NAA25: variants seen among roughly 807,000 people sequenced by gnomAD.
NAA25 encodes N-terminal acetyltransferase B complex subunit NAA25.
In NAA25, 30 loss-of-function variants were observed where a neutral mutation model predicts 132.5. That is an observed-to-expected ratio of 0.23 (90% CI 0.17 to 0.31). NAA25 has a LOEUF of 0.31. Ranked by LOEUF, NAA25 falls within the 10% of genes least tolerant of loss-of-function variation. The pLI is 1.00. For missense variants in NAA25, 771 were observed against 1,150.4 expected (o/e 0.67, Z 4.77); for synonymous variants, 359 against 401.9 (o/e 0.89, Z 1.28).
chr12:112,085,485 G>C (rs1036182580), intron 4 of NAA25, among the ~76,000 whole-genome samples: 1 of 152,060 alleles, frequency 6.6e-6, no homozygotes, highest in African/African-American at 2.4e-5. Context: ...TTTACAACCT[G>C]CTTGTCTCAA....
At chr12:112,072,814 G>A (rs1272042287) in intron 9 of NAA25, among the ~76,000 whole-genome samples, 1 of 151,874 alleles carries the variant, frequency 6.6e-6, no homozygotes, top group African/African-American at 2.4e-5. Context: ...GCACACACCT[G>A]TAGTCTCAGC....
At position 112,028,506 on chromosome 12, in the gene NAA25, T is replaced by A. The variant is rs1335324526; in HGVS notation, c.*1025A>T. The A allele has an allele frequency of 6.6e-6, 1 of 152,204 alleles. No individual in the cohort carries two copies. The highest frequency in any genetic ancestry group is 2.4e-5 in the African/African-American group (1 of 41,446). The allele number at this position is 152,204 out of a possible 1,614,324, so 9.4% of individuals were successfully genotyped here. A position where few individuals can be genotyped will look rare whatever the true frequency, so the allele number is the denominator to read the frequency against. ...AACCTCAAACCCACTGAATAACATT[T>A]CTTTTGCCAGCCTAAAACTTAAAGC... On this transcript the variant is annotated 3_prime_UTR_variant, in exon 24 of 24. Transcript: ENST00000261745.
chr12:112,095,922 T>C (rs982780033), intron 1 of NAA25, among the ~76,000 whole-genome samples: 6 of 152,152 alleles, frequency 3.9e-5, no homozygotes, highest in African/African-American at 1.4e-4. Context: ...CATACATTTG[T>C]CAAACCCAGA....
chr12:112,067,747 G>T (rs914373496), intron 11 of NAA25, among the ~76,000 whole-genome samples: 7 of 152,138 alleles, frequency 4.6e-5, no homozygotes, highest in African/African-American at 1.7e-4. Flanking sequence ...TTCTGAGATT[G>T]GCTTATTTCA....
intron 15 of NAA25, 90 bp from the exon 16 acceptor site, chr12:112,048,533 T>A: frequency 9.3e-7 from 1 of 1,074,044 alleles, no homozygotes; most frequent in Non-Finnish European, 1.4e-6. Context: ...ACACTCAAAC[T>A]AAAATTAAGT....
At chr12:112,087,903 A>G (rs2079077466) in intron 3 of NAA25, 102 bp from the exon 4 acceptor site, 2 of 734,830 alleles carry the variant, frequency 2.7e-6, no homozygotes, top group Non-Finnish European at 4.6e-6. Context: ...CTATCATTAT[A>G]GAAGAAGTAT....
At chr12:112,087,862 G>A (rs1256297761) in intron 3 of NAA25, 61 bp from the exon 4 acceptor site, 1 of 1,125,230 alleles carries the variant, frequency 8.9e-7, no homozygotes, top group Non-Finnish European at 1.3e-6. Flanking sequence ...GGCATTTAAT[G>A]TTCTTCCTAT....
intron 1 of NAA25, among the ~76,000 whole-genome samples, chr12:112,104,696 C>T (rs1453906177): frequency 1.3e-5 from 2 of 151,930 alleles, no homozygotes; most frequent in African/African-American, 4.8e-5. Flanking sequence ...ATTAACCTGG[C>T]GTGGTGGCGG....
Position 112,047,759 on chromosome 12 carries a change from T to C in NAA25, c.1912A>G (p.Met638Val), listed in dbSNP as rs145877943. ...STSLAESIKSMNLRPEEDDIP... is the reference protein window; with the variant it reads ...STSLAESIKSVNLRPEEDDIP... Reference sequence around the variant, plus strand: ...TCATCTTCTTCTGGCCTAAGGTTCATTGACTTTATACTTTCTGCTAAACTG... The same window carrying C: ...TCATCTTCTTCTGGCCTAAGGTTCACTGACTTTATACTTTCTGCTAAACTG... Residue 638 changes from methionine (M) to valine (V), a missense_variant, in exon 17 of 24, where the codon ATG becomes GTG. Around this residue, in one of 3 missense-constraint regions of NAA25, gnomAD observed 324 missense variants for 400.0 expected, o/e 0.81. Transcript: ENST00000261745. The C allele has an allele frequency of 6.6e-5, 107 of 1,613,678 alleles. No homozygotes were observed. In the African/African-American group the frequency reaches 1.1e-3, roughly 16 times the overall value.
At chr12:112,039,420 A>G (rs2078271607) in intron 21 of NAA25, 81 bp from the exon 22 acceptor site, 2 of 805,998 alleles carry the variant, frequency 2.5e-6, no homozygotes, top group Non-Finnish European at 4.2e-6. Flanking sequence ...TGGATTCAAC[A>G]AATTCTAACG....
chr12:112,032,218 C>T (rs934559266), intron 23 of NAA25, among the ~76,000 whole-genome samples: 6 of 151,940 alleles, frequency 3.9e-5, no homozygotes, highest in Admixed American at 6.6e-5. Context: ...TGCCTCCCTC[C>T]GCCTCCCAAA....
intron 14 of NAA25, 111 bp from the exon 15 acceptor site, chr12:112,053,768 G>C: frequency 1.9e-5 from 5 of 257,408 alleles, no homozygotes; most frequent in Non-Finnish European, 1.4e-5. Flanking sequence ...CTAGGCATAA[G>C]AAAACACTAA....
intron 1 of NAA25, among the ~76,000 whole-genome samples, chr12:112,098,510 C>T (rs1339415658): frequency 2.6e-5 from 4 of 152,034 alleles, no homozygotes; most frequent in Non-Finnish European, 5.9e-5. Flanking sequence ...AAACGATATC[C>T]TAAATCTGTC....
At chr12:112,069,928 G>C (rs553357825) in intron 10 of NAA25, among the ~76,000 whole-genome samples, 1 of 151,902 alleles carries the variant, frequency 6.6e-6, no homozygotes, top group East Asian at 1.9e-4. Flanking sequence ...AGGAGTTTGA[G>C]ACCAGCCTGG....
At chr12:112,093,744 T>A (rs1468237258) in intron 1 of NAA25, among the ~76,000 whole-genome samples, 2 of 151,562 alleles carry the variant, frequency 1.3e-5, no homozygotes, top group Non-Finnish European at 2.9e-5. Context: ...GCCAGGCATG[T>A]TGCCATGCAC....
intron 15 of NAA25, among the ~76,000 whole-genome samples, chr12:112,052,584 C>T (rs148694032): frequency 6.6e-6 from 1 of 151,592 alleles, no homozygotes; most frequent in African/African-American, 2.4e-5. Context: ...AAACTGAGAA[C>T]AAACCTATAT....
At chr12:112,033,180 C>G (rs1021767566) in intron 23 of NAA25, 53 bp downstream of exon 23, 3 of 1,498,834 alleles carry the variant, frequency 2.0e-6, no homozygotes, top group African/African-American at 1.4e-5. Flanking sequence ...GAGAGAGAGA[C>G]AGAGTGTTTG....
intron 4 of NAA25, among the ~76,000 whole-genome samples, chr12:112,082,163 G>A (rs910295954): frequency 2.6e-5 from 4 of 152,112 alleles, no homozygotes; most frequent in Non-Finnish European, 4.4e-5. Context: ...AGACAGAATC[G>A]CTTGAACCCG....
At chr12:112,047,452 G>A (rs1339828925) in intron 17 of NAA25, among the ~76,000 whole-genome samples, 2 of 151,858 alleles carry the variant, frequency 1.3e-5, no homozygotes, top group African/African-American at 4.8e-5. Flanking sequence ...GGATGGTCTC[G>A]AACTCCAGAC....
Sources: gnomAD v4.1 joint callset for allele counts (sites outside exome capture counted in the v4.1 genomes callset) on GRCh38, gnomAD v4.1.1 for gene constraint, gnomAD v4.1.1 regional missense constraint, MANE v1.5 for transcripts, NCBI Gene and HGNC (gene_info 2026-07-23, HGNC 2026-07-21) for gene names.